Variants in UBASH3B observed in about 807,000 individuals in gnomAD.
The protein encoded by UBASH3B is ubiquitin associated and SH3 domain containing B.
A neutral mutation model predicts 83.4 loss-of-function variants in UBASH3B; 37 were observed. That is an observed-to-expected ratio of 0.44 (90% CI 0.34 to 0.58). UBASH3B has a LOEUF of 0.58. Among genes scored for constraint, UBASH3B ranks in the 20% least tolerant of loss-of-function variants. The pLI is 0.01. For missense variants in UBASH3B, 657 were observed against 827.2 expected (o/e 0.79, Z 2.52); for synonymous variants, 304 against 318.3 (o/e 0.96, Z 0.48).
chr11:122,782,747 G>A, intron 4 of UBASH3B: 1 of 276,274 alleles, frequency 3.6e-6, no homozygotes, highest in Non-Finnish European at 6.8e-6. Context: ...CTGAAAGGTG[G>A]GGCTGGTGAC....
intron 1 of UBASH3B, among the ~76,000 whole-genome samples, chr11:122,661,777 A>G (rs1004713220): frequency 6.6e-6 from 1 of 150,882 alleles, no homozygotes; most frequent in Non-Finnish European, 1.5e-5. Context: ...CACAGTTGGT[A>G]TGCAGGGACT....
At chr11:122,692,488 G>A (rs61911535) in intron 1 of UBASH3B, among the ~76,000 whole-genome samples, 36,520 of 152,118 alleles carry the variant, frequency 0.24, 5,403 homozygotes, top group Non-Finnish European at 0.33. Context: ...GCAGAGATGT[G>A]GGATACACCC....
At chr11:122,659,176 C>T (rs190179915) in intron 1 of UBASH3B, among the ~76,000 whole-genome samples, 5 of 152,236 alleles carry the variant, frequency 3.3e-5, no homozygotes, top group Admixed American at 3.3e-4. Flanking sequence ...ATCTCAAGAT[C>T]ATTATCTGCA....
chr11:122,699,141 C>A (rs192957425), intron 1 of UBASH3B, among the ~76,000 whole-genome samples: 5 of 152,182 alleles, frequency 3.3e-5, no homozygotes. Flanking sequence ...TGAGCCACTG[C>A]GCCCGGATTG....
chr11:122,731,052 C>T (rs1005125566), intron 1 of UBASH3B, among the ~76,000 whole-genome samples: 1 of 152,222 alleles, frequency 6.6e-6, no homozygotes, highest in Admixed American at 6.5e-5. Context: ...AGTGGCCCCT[C>T]CTTATCCTTG....
chr11:122,763,017 C>T lies in UBASH3B; in HGVS notation c.162-13202C>T, dbSNP rs78497797. On this transcript the variant is annotated intron_variant, in intron 1 of 13. Transcript: ENST00000284273. ...TAATCATTATTCTACCCTGTAAGGC[C>T]GTTATTACCGCCATTTAAGAGATTG... Among the ~76,000 whole-genome samples, 710 of 152,258 alleles carry T rather than the reference C, an allele frequency of 4.7e-3. 5 individuals are homozygous for T. The highest frequency in any genetic ancestry group is 0.013 in the African/African-American group (527 of 41,548).
At chr11:122,748,646 C>T (rs956966143) in intron 1 of UBASH3B, among the ~76,000 whole-genome samples, 3 of 152,128 alleles carry the variant, frequency 2.0e-5, no homozygotes, top group Admixed American at 6.5e-5. Context: ...CATTTCCTCC[C>T]GTCCACAGAA....
chr11:122,798,954 T>G lies in UBASH3B; in HGVS notation c.1370T>G (p.Leu457Ter). ...GTTTTCTTTGCAGGTGAAGCCTTAT[T>G]AGAGAGCAATACCATTATCGATCAT... ...MQARLVGEAL[L>*]ESNTIIDHVY... Residue 457 changes from leucine (L) to a stop codon, truncating the protein, a stop_gained, in exon 10 of 14, where the codon TTA becomes TGA. Coordinates refer to ENST00000284273, the MANE Select transcript of UBASH3B (RefSeq NM_032873.5). LOFTEE classifies it high-confidence loss of function. 1 of 1,613,996 alleles carries G rather than the reference T, an allele frequency of 6.2e-7. No individual in the cohort carries two copies. The highest frequency in any genetic ancestry group is 8.5e-7 in the Non-Finnish European group (1 of 1,179,942).
intron 4 of UBASH3B, among the ~76,000 whole-genome samples, chr11:122,781,858 G>A (rs1591811327): frequency 6.6e-6 from 1 of 152,162 alleles, no homozygotes; most frequent in Non-Finnish European, 1.5e-5. Context: ...CAGTGTAAGC[G>A]AGAGACAAAA....
chr11:122,723,413 C>T (rs1018117286), intron 1 of UBASH3B, among the ~76,000 whole-genome samples: 1 of 152,040 alleles, frequency 6.6e-6, no homozygotes, highest in African/African-American at 2.4e-5. Context: ...ATTTCATTTC[C>T]ACGTGATCTC....
intron 1 of UBASH3B, among the ~76,000 whole-genome samples, chr11:122,725,209 A>G (rs1169419261): frequency 2.6e-5 from 4 of 151,662 alleles, no homozygotes; most frequent in Non-Finnish European, 5.9e-5. Flanking sequence ...ACCTCAGGTG[A>G]TCCATCCACC....
At chr11:122,783,491 G>C (rs1414412539) in intron 5 of UBASH3B, among the ~76,000 whole-genome samples, 1 of 151,894 alleles carries the variant, frequency 6.6e-6, no homozygotes, top group African/African-American at 2.4e-5. Flanking sequence ...CAGCAAAAAA[G>C]AAATGAAATG....
At chr11:122,656,930 A>G (rs564135664) in intron 1 of UBASH3B, among the ~76,000 whole-genome samples, 137 of 151,976 alleles carry the variant, frequency 9.0e-4, no homozygotes, top group African/African-American at 3.1e-3. Context: ...GGGGTAGGGG[A>G]GGGCAGGGAG....
chr11:122,800,553 CA>C (rs560183254), intron 10 of UBASH3B, among the ~76,000 whole-genome samples: 1 of 150,440 alleles, frequency 6.6e-6, no homozygotes, highest in African/African-American at 2.4e-5. Flanking sequence ...GACTCTGTAT[CA>C]AAAAAAATAA....
chr11:122,773,923 G>T (rs1860690278), intron 1 of UBASH3B: 2 of 954,784 alleles, frequency 2.1e-6, no homozygotes, highest in South Asian at 4.8e-5. Context: ...ATTGTCTGGT[G>T]CCACAAATGC....
At chr11:122,808,976 GA>G (rs5795348) in intron 13 of UBASH3B, among the ~76,000 whole-genome samples, 5 of 148,508 alleles carry the variant, frequency 3.4e-5, no homozygotes, top group South Asian at 2.1e-4. Context: ...CTCGTAAGGA[GA>G]AAAAAAAAAC....
intron 1 of UBASH3B, among the ~76,000 whole-genome samples, chr11:122,726,863 G>A (rs1281227527): frequency 2.0e-5 from 3 of 152,174 alleles, no homozygotes; most frequent in African/African-American, 4.8e-5. Context: ...AATATTGTCC[G>A]CCCTGACTCC....
chr11:122,719,135 C>A (rs1860580527), intron 1 of UBASH3B, among the ~76,000 whole-genome samples: 1 of 152,244 alleles, frequency 6.6e-6, no homozygotes, highest in East Asian at 1.9e-4. Flanking sequence ...GGTATTCTTA[C>A]ACTGCCAATT....
chr11:122,792,599 G>C (rs756623473), intron 6 of UBASH3B, among the ~76,000 whole-genome samples: 2 of 152,194 alleles, frequency 1.3e-5, no homozygotes, highest in African/African-American at 4.8e-5. Context: ...AATTACAGAC[G>C]TGAGCCGCTG....
Sources: gnomAD v4.1 joint callset for allele counts (sites outside exome capture counted in the v4.1 genomes callset) on GRCh38, gnomAD v4.1.1 for gene constraint, MANE v1.5 for transcripts, NCBI Gene and HGNC (gene_info 2026-07-23, HGNC 2026-07-21) for gene names.